SNTG2: variants seen among roughly 807,000 people sequenced by gnomAD.
The protein encoded by SNTG2 is gamma-2-syntrophin.
Under a neutral mutation model 70.9 loss-of-function variants are expected in SNTG2, and 74 were observed. The ratio of observed to expected loss-of-function variants is 1.04; its 90% confidence interval spans 0.86 to 1.27. The LOEUF is 1.27. Among genes scored for constraint, SNTG2 ranks in the 50% most tolerant of loss-of-function variants. The pLI is 0.00. For synonymous variants in SNTG2, 278 were observed against 273.8 expected (o/e 1.02, Z -0.15); for missense variants, 717 against 690.7 (o/e 1.04, Z -0.43).
At chr2:1,240,196 G>T (rs1308912427) in intron 11 of SNTG2, among the ~76,000 whole-genome samples, 1 of 152,126 alleles carries the variant, frequency 6.6e-6, no homozygotes, top group Non-Finnish European at 1.5e-5. Flanking sequence ...TTCTCAGGAG[G>T]GCTTTGGCCC....
intron 1 of SNTG2, among the ~76,000 whole-genome samples, chr2:1,065,009 G>A (rs1205718472): frequency 6.6e-6 from 1 of 152,168 alleles, no homozygotes; most frequent in African/African-American, 2.4e-5. Flanking sequence ...TATCAGACGC[G>A]GTGGATTGTG....
intron 1 of SNTG2, among the ~76,000 whole-genome samples, chr2:1,000,024 GAATGATCGTGGGGTGAAA>G (rs955979430): frequency 6.6e-6 from 1 of 151,896 alleles, no homozygotes; most frequent in African/African-American, 2.4e-5. Context: ...ACCTGGTCCT[GAATGATCGTGGGGTGAAA>G]AATGCTATTA....
intron 4 of SNTG2, among the ~76,000 whole-genome samples, chr2:1,115,813 C>G (rs1402596360): frequency 2.0e-5 from 3 of 152,220 alleles, no homozygotes; most frequent in Admixed American, 1.3e-4. Flanking sequence ...AGAAGAGTCT[C>G]CCTTGTGCAG....
chr2:1,034,413 A>G (rs1661016750), intron 1 of SNTG2, among the ~76,000 whole-genome samples: 1 of 152,210 alleles, frequency 6.6e-6, no homozygotes, highest in African/African-American at 2.4e-5. Context: ...TGCATTGAAC[A>G]TATGCATGCA....
intron 1 of SNTG2, among the ~76,000 whole-genome samples, chr2:996,654 C>G (rs778282669): frequency 1.3e-5 from 1 of 78,654 alleles, no homozygotes; most frequent in Non-Finnish European, 2.6e-5. Context: ...ATTTATATTG[C>G]TTGTATTTGA....
intron 4 of SNTG2, among the ~76,000 whole-genome samples, chr2:1,099,853 A>T (rs76105662): frequency 0.025 from 3,780 of 152,298 alleles, 155 homozygotes; most frequent in African/African-American, 0.083. Context: ...CCGGGTAAAG[A>T]TTCTTTTTCG....
At chr2:1,142,188 C>T (rs60632714) in intron 6 of SNTG2, among the ~76,000 whole-genome samples, 70 of 152,334 alleles carry the variant, frequency 4.6e-4, no homozygotes, top group African/African-American at 1.5e-3. Flanking sequence ...TTTTCACCTA[C>T]GCAAATCAAT....
At chr2:1,225,881 C>G (rs1037668244) in intron 9 of SNTG2, among the ~76,000 whole-genome samples, 2 of 152,134 alleles carry the variant, frequency 1.3e-5, no homozygotes, top group South Asian at 2.1e-4. Flanking sequence ...CTTAGCACAC[C>G]TGGGCAGGGC....
At chr2:970,339 A>G (rs1660696154) in intron 1 of SNTG2, among the ~76,000 whole-genome samples, 1 of 151,576 alleles carries the variant, frequency 6.6e-6, no homozygotes. Context: ...ACATATGTAT[A>G]CATGTGCCAT....
At chr2:1,214,780 T>G (rs1027587210) in intron 9 of SNTG2, among the ~76,000 whole-genome samples, 17 of 152,212 alleles carry the variant, frequency 1.1e-4, no homozygotes, top group Non-Finnish European at 2.1e-4. Flanking sequence ...GTTGTATAGA[T>G]GTGGTGAGAG....
chr2:967,803 C>T (rs1436192521), intron 1 of SNTG2, among the ~76,000 whole-genome samples: 2 of 152,146 alleles, frequency 1.3e-5, no homozygotes, highest in Admixed American at 1.3e-4. Context: ...CCAAGGCAGA[C>T]AGATCACCTG....
At chr2:1,161,391 AG>A (rs60088541) in intron 6 of SNTG2, 103,437 of 152,092 alleles carry the variant, frequency 0.68, 37,022 homozygotes, top group Non-Finnish European at 0.81. Context: ...ATAGAGAGAG[AG>A]ACAGAAAAGG....
At chr2:1,183,530 C>T (rs1214415913) in intron 8 of SNTG2, among the ~76,000 whole-genome samples, 1 of 152,142 alleles carries the variant, frequency 6.6e-6, no homozygotes, top group Non-Finnish European at 1.5e-5. Context: ...ATGCCTTCAC[C>T]AGTAAGGCTG....
chr2:1,075,858 G>A (rs1270389771), intron 1 of SNTG2, among the ~76,000 whole-genome samples: 1 of 152,210 alleles, frequency 6.6e-6, no homozygotes, highest in African/African-American at 2.4e-5. Flanking sequence ...GACCACTGCT[G>A]TTCTGTGACA....
At chr2:1,308,673 A>G (rs974754607) in intron 15 of SNTG2, 87 bp downstream of exon 15, 1 of 1,095,496 alleles carries the variant, frequency 9.1e-7, no homozygotes, top group Non-Finnish European at 1.4e-6. Flanking sequence ...CATGTCTGGT[A>G]GAAGCCACCA....
chr2:953,046 A>G (rs558253263), intron 1 of SNTG2, among the ~76,000 whole-genome samples: 1 of 152,328 alleles, frequency 6.6e-6, no homozygotes, highest in Non-Finnish European at 1.5e-5. Context: ...TATTTTTTCT[A>G]TCTGAAGTCA....
chr2:955,839 C>T (rs540658315), intron 1 of SNTG2, among the ~76,000 whole-genome samples: 21 of 152,310 alleles, frequency 1.4e-4, no homozygotes, highest in Non-Finnish European at 2.5e-4. Flanking sequence ...CCTCTCACTC[C>T]GAACAGGGAG....
intron 6 of SNTG2, among the ~76,000 whole-genome samples, chr2:1,148,656 G>A (rs1016470328): frequency 2.0e-5 from 3 of 152,210 alleles, no homozygotes; most frequent in Non-Finnish European, 4.4e-5. Context: ...GGTTCCCCCC[G>A]CTCCTTGTGT....
At chr2:1,193,066 C>T (rs1023231209) in intron 8 of SNTG2, among the ~76,000 whole-genome samples, 3 of 152,304 alleles carry the variant, frequency 2.0e-5, no homozygotes, top group African/African-American at 4.8e-5. Flanking sequence ...TGAGGATGCC[C>T]GCGGCATGGC....
Sources: allele counts gnomAD v4.1 joint callset (sites outside exome capture counted in the v4.1 genomes callset), GRCh38; gene constraint gnomAD v4.1.1; transcripts MANE v1.5; gene names NCBI Gene and HGNC (gene_info 2026-07-23, HGNC 2026-07-21).